CYB5RL: variants seen among roughly 807,000 people sequenced by gnomAD.
CYB5RL encodes cytochrome b5 reductase like.
In CYB5RL, 38 loss-of-function variants were observed where a neutral mutation model predicts 37.5. The observed-to-expected ratio is 1.01, with a 90% CI of 0.78 to 1.33. The LOEUF (loss-of-function observed/expected upper bound fraction) is 1.33. Ranked by LOEUF, CYB5RL falls within the 40% of genes most tolerant of loss-of-function variation. The pLI is 0.00. For missense variants in CYB5RL, 388 were observed against 394.4 expected, an observed-to-expected ratio of 0.98 and a Z score of 0.14; for synonymous variants, 141 against 151.9, an observed-to-expected ratio of 0.93 and a Z score of 0.53.
rs141352437 is a variant in CYB5RL at position 54,191,646 on chromosome 1, A to C, written c.199-750T>G. On this transcript the variant is annotated intron_variant, in intron 3 of 7. Coordinates refer to ENST00000534324, the MANE Select transcript of CYB5RL (RefSeq NM_001031672.4). ...TCCTGGGACCCCTCAATCCCAGCTT[A>C]GGGCCTGCACCATCCTGCAGCACCA... Among the ~76,000 whole-genome samples the C allele has an allele frequency of 6.6e-3, 1,003 of 152,310 alleles. 10 individuals carry two copies. Among genetic ancestry groups the C allele is most frequent in the African/African-American group, 0.023 (961 of 41,558 alleles).
intron 6 of CYB5RL, among the ~76,000 whole-genome samples, chr1:54,180,546 G>A (rs539129672): frequency 6.4e-4 from 97 of 151,776 alleles, no homozygotes; most frequent in South Asian, 1.9e-3. Context: ...GGAGCTTGCA[G>A]TGAGCTGAGA....
At chr1:54,175,922 G>T (rs1476824596) in intron 7 of CYB5RL, among the ~76,000 whole-genome samples, 1 of 151,950 alleles carries the variant, frequency 6.6e-6, no homozygotes, top group East Asian at 1.9e-4. Context: ...AATACCAAGG[G>T]ACAACTATAT....
At chr1:54,179,444 A>T in intron 6 of CYB5RL, 92 bp from the exon 7 acceptor site, 1 of 1,338,488 alleles carries the variant, frequency 7.5e-7, no homozygotes, top group South Asian at 1.3e-5. Flanking sequence ...GCTTCCTTCA[A>T]CTGGACGGCA....
At chr1:54,191,088 C>G (rs990145773) in intron 3 of CYB5RL, among the ~76,000 whole-genome samples, 192 bp from the exon 4 acceptor site, 2 of 152,196 alleles carry the variant, frequency 1.3e-5, no homozygotes, top group Non-Finnish European at 2.9e-5. Context: ...TCCTTTGAGC[C>G]TATCCTGCTC....
At chr1:54,179,118 T>A (rs955048147) in intron 7 of CYB5RL, 31 bp downstream of exon 7, 5 of 1,598,100 alleles carry the variant, frequency 3.1e-6, no homozygotes, top group Non-Finnish European at 4.3e-6. Flanking sequence ...AGAGTCTCAA[T>A]CAAAAAAGAA....
chr1:54,195,645 C>T lies in CYB5RL; in HGVS notation c.-29G>A. The T allele has an allele frequency of 6.3e-7, 1 of 1,575,710 alleles. No homozygotes were observed. The highest frequency in any genetic ancestry group is 8.6e-7 in the Non-Finnish European group (1 of 1,156,808). On this transcript the variant is annotated 5_prime_UTR_variant, in exon 3 of 8. Transcript: ENST00000534324. ...TGGGGCTTGGGCAGCCTAGAAGGAA[C>T]AACTGGGTGCTCTTCCAGAACAGGC...
chr1:54,189,609 T>C (rs1006810898), intron 4 of CYB5RL, among the ~76,000 whole-genome samples: 12 of 152,080 alleles, frequency 7.9e-5, no homozygotes, highest in Admixed American at 2.0e-4. Context: ...TGGTCAGATA[T>C]GTGTGTTAGG....
chr1:54,179,995 T>G (rs749910748), intron 6 of CYB5RL: 2 of 453,358 alleles, frequency 4.4e-6, no homozygotes, highest in East Asian at 7.0e-5. Context: ...CCTATAAACC[T>G]AGTACTTTGG....
intron 6 of CYB5RL, among the ~76,000 whole-genome samples, chr1:54,183,493 A>C (rs1660214938): frequency 1.3e-5 from 2 of 152,318 alleles, no homozygotes; most frequent in Admixed American, 1.3e-4. Context: ...TGATGAGGAG[A>C]AGAGCCATCT....
At chr1:54,195,336 A>C in intron 3 of CYB5RL, 83 bp downstream of exon 3, 3 of 1,397,370 alleles carry the variant, frequency 2.1e-6, no homozygotes, top group Non-Finnish European at 2.8e-6. Flanking sequence ...CAGTCAGGGA[A>C]GGCTTCCTAG....
At chr1:54,199,488 C>T (rs1214239067) in intron 1 of CYB5RL, among the ~76,000 whole-genome samples, 1 of 152,218 alleles carries the variant, frequency 6.6e-6, no homozygotes, top group Non-Finnish European at 1.5e-5. Context: ...GTCTGCATCT[C>T]CCACTAAACT....
chr1:54,198,027 C>CAAAAAAAAAAAA lies in CYB5RL; in HGVS notation c.-222-1548_-222-1537dup, dbSNP rs575486117. Among the ~76,000 whole-genome samples, 25 of 78,522 alleles carry CAAAAAAAAAAAA rather than the reference C, an allele frequency of 3.2e-4. 1 individual carries two copies. The highest frequency in any genetic ancestry group is 1.8e-3 in the East Asian group (4 of 2,210). The allele number at this position is 78,522 out of a possible 152,430, so 51.5% of individuals were successfully genotyped here. A position where few individuals can be genotyped will look rare whatever the true frequency, so the allele number is the denominator to read the frequency against. On this transcript the variant is annotated intron_variant, in intron 1 of 7. Transcript: ENST00000534324. The stretch of plus-strand genomic sequence containing the variant: ...TGGGTGACAGAGTGAGACTCTGTCT[C>CAAAAAAAAAAAA]AAAAAAAAAAAAAAAAAAAAAAAAA...
chr1:54,195,844 T>C (rs1472205904), intron 2 of CYB5RL, 129 bp from the exon 3 acceptor site: 9 of 417,992 alleles, frequency 2.2e-5, no homozygotes, highest in Non-Finnish European at 3.8e-5. Flanking sequence ...GTGTGCTGTC[T>C]GGTGGGGAGC....
chr1:54,198,944 G>A (rs1036851255), intron 1 of CYB5RL, among the ~76,000 whole-genome samples: 2 of 152,068 alleles, frequency 1.3e-5, no homozygotes, highest in Non-Finnish European at 2.9e-5. Flanking sequence ...ACTTCTCCAC[G>A]TTTTAACAGT....
chr1:54,174,551 C>G lies in CYB5RL; in HGVS notation c.*68G>C. 1 of 1,534,260 alleles carries G rather than the reference C, an allele frequency of 6.5e-7. No individual in the cohort carries two copies. Among genetic ancestry groups the G allele is most frequent in the Non-Finnish European group, 8.8e-7 (1 of 1,132,468 alleles). On this transcript the variant is annotated 3_prime_UTR_variant, in exon 8 of 8. Transcript: ENST00000534324. ...GGCCTGGACTCCGTGTCTTCTGATT[C>G]CAGTCTGTGCTCCTTCCTGGGTCCC... is the stretch of plus-strand genomic sequence containing the variant.
At chr1:54,197,704 G>A (rs1044079634) in intron 1 of CYB5RL, among the ~76,000 whole-genome samples, 3 of 151,980 alleles carry the variant, frequency 2.0e-5, no homozygotes, top group African/African-American at 7.3e-5. Flanking sequence ...GGGACAATCT[G>A]GCCCCTTTCC....
chr1:54,189,876 C>T (rs1643933965), intron 4 of CYB5RL, among the ~76,000 whole-genome samples: 1 of 152,214 alleles, frequency 6.6e-6, no homozygotes, highest in South Asian at 2.1e-4. Flanking sequence ...CTGGTTTCCA[C>T]CTTCTCCTCT....
intron 4 of CYB5RL, among the ~76,000 whole-genome samples, chr1:54,189,275 A>G (rs1643928704): frequency 6.6e-6 from 1 of 152,236 alleles, no homozygotes; most frequent in Admixed American, 6.5e-5. Flanking sequence ...GCAGAGCACT[A>G]TGACGTCTGC....
At chr1:54,192,874 C>A (rs1188385568) in intron 3 of CYB5RL, among the ~76,000 whole-genome samples, 1 of 152,074 alleles carries the variant, frequency 6.6e-6, no homozygotes, top group African/African-American at 2.4e-5. Context: ...CATGCCTCAG[C>A]CTCCCAAGTA....
Sources: allele counts gnomAD v4.1 joint callset (sites outside exome capture counted in the v4.1 genomes callset), GRCh38; gene constraint gnomAD v4.1.1; transcripts MANE v1.5; gene names NCBI Gene and HGNC (gene_info 2026-07-23, HGNC 2026-07-21).